Variants in KLHL5 observed in about 807,000 individuals in gnomAD.
The protein encoded by KLHL5 is kelch like family member 5, also known as kelch-like protein 5.
KLHL5 carries 48 observed loss-of-function variants against 77.7 expected under a neutral mutation model. The observed-to-expected ratio is 0.62, with a 90% CI of 0.49 to 0.79. The LOEUF is 0.79. KLHL5 is among the 30% of genes least tolerant of loss of function. KLHL5 has a pLI of 0.00. For missense variants in KLHL5, 723 were observed against 859.7 expected, an observed-to-expected ratio of 0.84 and a Z score of 1.99; for synonymous variants, 260 against 297.0, an observed-to-expected ratio of 0.88 and a Z score of 1.28.
In KLHL5 at chr4:39,096,867, AT is replaced by A; in HGVS notation, c.1291del (p.Ser431GlnfsTer21). 7 of 1,612,452 alleles carry A rather than the reference AT, an allele frequency of 4.3e-6. No individual in the cohort carries two copies. The highest frequency in any genetic ancestry group is 5.9e-6 in the Non-Finnish European group (7 of 1,178,642). On this transcript the variant is annotated frameshift_variant, in exon 6 of 11. Transcript: ENST00000504108. LOFTEE classifies it high-confidence loss of function. Reference protein sequence around the residue: ...VGTLFAVGGMDSTKGATSIEK... With the variant: ...VGTLFAVGGMXSTKGATSIEK... The stretch of plus-strand genomic sequence containing the variant: ...ACATTATTTGCAGTTGGGGGAATGG[AT>A]TCAACAAAAGGTATCAAATAATCTT...
chr4:39,079,246 G>A (rs942819889), intron 2 of KLHL5, among the ~76,000 whole-genome samples: 4 of 152,126 alleles, frequency 2.6e-5, no homozygotes, highest in African/African-American at 9.7e-5. Flanking sequence ...TTTTAACGTA[G>A]CTACCTGAGT....
chr4:39,115,688 T>C (rs1039106476), intron 10 of KLHL5: 1 of 1,250,924 alleles, frequency 8.0e-7, no homozygotes, highest in African/African-American at 1.6e-5. Flanking sequence ...TTTGAACAAC[T>C]TGCCCATGTG....
chr4:39,124,088 G>A lies in KLHL5; in HGVS notation c.*3022G>A, dbSNP rs189693127. Among the ~76,000 whole-genome samples the A allele has an allele frequency of 8.5e-5, 13 of 152,180 alleles. No homozygotes were observed. The highest frequency in any genetic ancestry group is 8.5e-4 in the Admixed American group (13 of 15,282). On this transcript the variant is annotated 3_prime_UTR_variant, in exon 11 of 11. Transcript: ENST00000504108. Reference sequence around the variant, plus strand: ...AACATGAAAAAGAATAAAATACTTAGAAATAAATTTGACCAAGAAAGTGCA... The same window carrying A: ...AACATGAAAAAGAATAAAATACTTAAAAATAAATTTGACCAAGAAAGTGCA...
At chr4:39,092,579 G>T (rs1218571691) in intron 5 of KLHL5, among the ~76,000 whole-genome samples, 1 of 152,104 alleles carries the variant, frequency 6.6e-6, no homozygotes, top group Non-Finnish European at 1.5e-5. Flanking sequence ...GTATAACTAG[G>T]TTTTGCGTGC....
At chr4:39,116,519 G>C (rs1443117903) in intron 10 of KLHL5, among the ~76,000 whole-genome samples, 2 of 152,054 alleles carry the variant, frequency 1.3e-5, no homozygotes, top group African/African-American at 4.8e-5. Flanking sequence ...TGGTTATGGG[G>C]AAAGCTTTAG....
chr4:39,121,016 C>T lies in KLHL5; in HGVS notation c.2080C>T (p.Pro694Ser). The T allele has an allele frequency of 6.2e-7, 1 of 1,612,948 alleles. No homozygotes were observed. Among genetic ancestry groups the T allele is most frequent in the Non-Finnish European group, 8.5e-7 (1 of 1,179,046 alleles). ...PQTNEWTQVA[P>S]LCLGRAGACV... Reference sequence around the variant, plus strand: ...ATCTCTTTTTCCTTTTTAGGTTGCTCCACTGTGCCTAGGAAGAGCTGGAGC... The same window carrying T: ...ATCTCTTTTTCCTTTTTAGGTTGCTTCACTGTGCCTAGGAAGAGCTGGAGC... The change falls in exon 11 of 11, where the codon CCA becomes TCA. Residue 694 changes from proline to serine, a missense_variant. Pro to Ser is a moderately conservative substitution (Grantham distance 74). Coordinates refer to ENST00000504108, the MANE Select transcript of KLHL5 (RefSeq NM_015990.5).
intron 1 of KLHL5, among the ~76,000 whole-genome samples, chr4:39,070,289 AGAAG>A (rs1718354417): frequency 1.3e-5 from 2 of 152,242 alleles, no homozygotes; most frequent in Non-Finnish European, 2.9e-5. Context: ...TATTACCGTA[AGAAG>A]GAATGCTGGA....
At position 39,062,734 on chromosome 4, in the gene KLHL5, C is replaced by A. The variant is rs747333021; in HGVS notation, c.82C>A (p.Pro28Thr). The A allele has an allele frequency of 1.9e-6, 3 of 1,614,128 alleles. No individual in the cohort carries two copies. In the South Asian group the frequency reaches 3.3e-5, roughly 18 times the overall value. The change falls in exon 1 of 11, where the codon CCT (proline) becomes ACT (threonine). Residue 28 changes from proline to threonine, a missense_variant. Coordinates refer to ENST00000504108, the MANE Select transcript of KLHL5 (RefSeq NM_015990.5). ...GTGGTTTGGTCATCAAGCATCATCT[C>A]CTAATTCTACAGTTGACAGCCAGCA... ...WRWFGHQASS[P>T]NSTVDSQQGE...
At chr4:39,136,519 C>T in the KLHL5 span, among the ~76,000 whole-genome samples, 1 of 152,154 alleles carries the variant, frequency 6.6e-6, no homozygotes, top group Non-Finnish European at 1.5e-5. Flanking sequence ...ATGGCATCCA[C>T]AGTGGTGTCG....
chr4:39,080,482 T>C (rs529875011), intron 2 of KLHL5, among the ~76,000 whole-genome samples: 1 of 150,946 alleles, frequency 6.6e-6, no homozygotes, highest in East Asian at 2.0e-4. Flanking sequence ...GCCGAGATCA[T>C]AGCATGGCAC....
At chr4:39,089,894 A>G (rs1318258545) in intron 5 of KLHL5, among the ~76,000 whole-genome samples, 1 of 152,240 alleles carries the variant, frequency 6.6e-6, no homozygotes, top group Non-Finnish European at 1.5e-5. Flanking sequence ...GATGGAAGCC[A>G]CATTGCCTTG....
intron 6 of KLHL5, among the ~76,000 whole-genome samples, chr4:39,098,960 TAAG>T (rs1036847925): frequency 1.3e-5 from 2 of 152,156 alleles, no homozygotes; most frequent in African/African-American, 2.4e-5. Flanking sequence ...AAAGGAATCT[TAAG>T]AATTCTTTGT....
Position 39,112,941 on chromosome 4 carries a change from TAAC to T in KLHL5, c.1689-74_1689-72del, listed in dbSNP as rs1286968423. The stretch of plus-strand genomic sequence containing the variant: ...TGATGGCACCTTAAATTCAATGAGA[TAAC>T]AACATAAGAAGAGCCTCTTTGTTCT... On this transcript the variant is annotated intron_variant, in intron 8 of 10. Coordinates refer to ENST00000504108, the MANE Select transcript of KLHL5 (RefSeq NM_015990.5). 2.4e-6 allele frequency: 3 copies of T among 1,266,642 alleles called. No individual in the cohort carries two copies. In the African/African-American group the frequency reaches 4.4e-5, roughly 19 times the overall value. 78.5% of individuals were successfully genotyped at this position (1,266,642 alleles called of 1,614,324 possible).
At chr4:39,134,314 G>A in the KLHL5 span, among the ~76,000 whole-genome samples, 1 of 152,206 alleles carries the variant, frequency 6.6e-6, no homozygotes, top group Non-Finnish European at 1.5e-5. Context: ...TAGGGAGGTT[G>A]AGTCAACTTG....
At chr4:39,109,062 G>A (rs1577733069) in intron 8 of KLHL5, among the ~76,000 whole-genome samples, 1 of 151,980 alleles carries the variant, frequency 6.6e-6, no homozygotes, top group South Asian at 2.1e-4. Flanking sequence ...CATATCAGAA[G>A]CTAAGGATCT....
In KLHL5 at chr4:39,103,210, T is replaced by C. The variant is rs576059230; in HGVS notation, c.1301-77T>C. 220 of 1,006,718 alleles carry C rather than the reference T, an allele frequency of 2.2e-4. 2 individuals are homozygous for C. The African/African-American group carries it at 3.1e-3, about 14-fold the overall frequency. 62.4% of individuals were successfully genotyped at this position (1,006,718 alleles called of 1,614,324 possible). A position where few individuals can be genotyped will look rare whatever the true frequency, so the allele number is the denominator to read the frequency against. Reference sequence around the variant, plus strand: ...TTCTCAATGCTAATAAGATTATATTTTTGTATCTGTAATTTCATAAAATTA... The same window carrying C: ...TTCTCAATGCTAATAAGATTATATTCTTGTATCTGTAATTTCATAAAATTA... On this transcript the variant is annotated intron_variant, in intron 6 of 10. Transcript: ENST00000504108.
intron 1 of KLHL5, among the ~76,000 whole-genome samples, chr4:39,049,037 G>A (rs1442368121): frequency 6.6e-6 from 1 of 152,138 alleles, no homozygotes; most frequent in Non-Finnish European, 1.5e-5. Context: ...CAACTTCAAG[G>A]AGATGGGGAA....
upstream of KLHL5, chr4:39,044,854 C>A: frequency 1.4e-6 from 1 of 733,358 alleles, no homozygotes; most frequent in Non-Finnish European, 1.7e-6. Context: ...CACCTACTCG[C>A]CCGCCCCCTC....
At chr4:39,058,677 C>A (rs1013170369), upstream of KLHL5, among the ~76,000 whole-genome samples, 4 of 151,924 alleles carry the variant, frequency 2.6e-5, no homozygotes, top group African/African-American at 9.7e-5. Flanking sequence ...AAATTAGATT[C>A]TTTATTTTAT....
Sources: gnomAD v4.1 joint callset for allele counts (sites outside exome capture counted in the v4.1 genomes callset) on GRCh38, gnomAD v4.1.1 for gene constraint, MANE v1.5 for transcripts, NCBI Gene and HGNC (gene_info 2026-07-23, HGNC 2026-07-21) for gene names.